GART: variants seen among roughly 807,000 people sequenced by gnomAD.
The protein encoded by GART is trifunctional purine biosynthetic protein adenosine-3.
A neutral mutation model predicts 107.2 loss-of-function variants in GART; 43 were observed. The ratio of observed to expected loss-of-function variants is 0.40; its 90% CI spans 0.31 to 0.52. The LOEUF (loss-of-function observed/expected upper bound fraction) is 0.52, where lower values mean the gene tolerates loss of function less well. Ranked by LOEUF, GART falls within the 20% of genes least tolerant of loss-of-function variation. The probability of loss-of-function intolerance (pLI) is 0.52; values close to 1 mark genes in which losing one functional copy is unlikely to be tolerated. For missense variants in GART, 1,107 were observed against 1,206.5 expected, an observed-to-expected ratio of 0.92 and a Z score of 1.22; for synonymous variants, 434 against 427.0, an observed-to-expected ratio of 1.02 and a Z score of -0.20.
chr21:33,505,276 T>C (rs2084658849), intron 20 of GART, among the ~76,000 whole-genome samples: 2 of 152,240 alleles, frequency 1.3e-5, no homozygotes, highest in African/African-American at 4.8e-5. Flanking sequence ...ATCTTTGCAG[T>C]AATGTGAAAC....
chr21:33,541,171 GTCTC>G (rs1285359291), intron 1 of GART, among the ~76,000 whole-genome samples: 2 of 152,268 alleles, frequency 1.3e-5, no homozygotes, highest in South Asian at 2.1e-4. Flanking sequence ...TGTTTAGACA[GTCTC>G]TCTCTGTCGC....
chr21:33,537,074 C>G (rs1329804882), intron 2 of GART, among the ~76,000 whole-genome samples: 2 of 152,112 alleles, frequency 1.3e-5, no homozygotes, highest in African/African-American at 4.8e-5. Flanking sequence ...CTGAACACAA[C>G]TAGGCTGAGC....
rs760730097 is a variant in GART at position 33,509,820 on chromosome 21, T to G, written c.2415A>C (p.Lys805Asn). Reference protein sequence around the residue: ...GSLTNHFSFEKKKARVAVLIS... With the variant: ...GSLTNHFSFENKKARVAVLIS... Reference sequence around the variant, plus strand: ...TTAAGACAGCCACTCTGGCCTTTTTTTTTTCAAAAGAGAAATGATTTGTCA... The same window carrying G: ...TTAAGACAGCCACTCTGGCCTTTTTGTTTTCAAAAGAGAAATGATTTGTCA... Residue 805 changes from lysine (K) to asparagine (N), a missense_variant, in exon 18 of 22, where the codon AAA becomes AAC. By Grantham distance (94) the Lys-to-Asn change is moderately conservative (BLOSUM62 0). Transcript: ENST00000381815. 1.5e-5 allele frequency: 24 copies of G among 1,613,958 alleles called. No individual in the cohort carries two copies. Among genetic ancestry groups the G allele is most frequent in the Non-Finnish European group, 2.0e-5 (24 of 1,180,018 alleles).
At chr21:33,528,774 G>T in intron 8 of GART, 76 bp downstream of exon 8, 2 of 1,116,444 alleles carry the variant, frequency 1.8e-6, no homozygotes, top group Non-Finnish European at 2.6e-6. Flanking sequence ...AAAAAAAAAG[G>T]GAATGGAAAA....
chr21:33,512,073 C>T (rs1293099288), intron 16 of GART, among the ~76,000 whole-genome samples: 1 of 151,908 alleles, frequency 6.6e-6, no homozygotes, highest in South Asian at 2.1e-4. Context: ...ATCACGAGGT[C>T]AGGAGATCGA....
At chr21:33,535,506 A>C (rs940961530) in intron 2 of GART, among the ~76,000 whole-genome samples, 186 bp from the exon 3 acceptor site, 2 of 152,190 alleles carry the variant, frequency 1.3e-5, no homozygotes, top group African/African-American at 4.8e-5. Context: ...CATTAGGCTA[A>C]CCAACAGAGC....
At position 33,528,163 on chromosome 21, in the gene GART, T is replaced by A. The variant is rs758963398; in HGVS notation, c.1066+4A>T. ...ACTCCAACCTCTTGCTCCCTGACAC[T>A]CACCTGTTATCTCTACACCCTTGGT... On this transcript the variant is annotated splice_donor_region_variant and intron_variant, in intron 10 of 21. Coordinates refer to ENST00000381815, the MANE Select transcript of GART (RefSeq NM_000819.5). The A allele has an allele frequency of 6.2e-7, 1 of 1,612,906 alleles. No individual in the cohort carries two copies. The highest frequency in any genetic ancestry group is 8.5e-7 in the Non-Finnish European group (1 of 1,179,478).
At position 33,517,243 on chromosome 21, in the gene GART, G is replaced by A. The variant is rs1035213443; in HGVS notation, c.1955-102C>T. The A allele has an allele frequency of 5.0e-5, 78 of 1,558,474 alleles. 1 individual carries two copies. The Admixed American group carries it at 7.4e-4, about 15-fold the overall frequency. ...ACACCAGCTCTACAATAATGACCAA[G>A]TAGCAAACCAAGGTAATTCATTCCC... On this transcript the variant is annotated intron_variant, in intron 15 of 21. Transcript: ENST00000381815.
At chr21:33,510,062 A>G (rs996030134) in intron 17 of GART, 142 bp from the exon 18 acceptor site, 1 of 715,230 alleles carries the variant, frequency 1.4e-6, no homozygotes, top group Non-Finnish European at 2.3e-6. Flanking sequence ...TGAACAACAC[A>G]TTTGTATCAC....
intron 18 of GART, 69 bp downstream of exon 18, chr21:33,509,714 T>C: frequency 6.6e-7 from 1 of 1,520,804 alleles, no homozygotes; most frequent in Non-Finnish European, 9.0e-7. Flanking sequence ...CCTTACAATC[T>C]CACAAGAGTG....
chr21:33,529,025 G>T (rs1412663656), intron 7 of GART, 88 bp from the exon 8 acceptor site: 5 of 796,364 alleles, frequency 6.3e-6, no homozygotes, highest in South Asian at 3.2e-5. Context: ...GGGATGATGA[G>T]GATAACTCAT....
chr21:33,525,914 G>C (rs1254552407), intron 10 of GART, among the ~76,000 whole-genome samples: 3 of 146,170 alleles, frequency 2.1e-5, no homozygotes, highest in Non-Finnish European at 4.5e-5. Flanking sequence ...CTGTCGCCCA[G>C]GCTGGTGTGC....
chr21:33,509,752 G>A, intron 18 of GART, 31 bp downstream of exon 18: 21 of 1,610,602 alleles, frequency 1.3e-5, no homozygotes, highest in Non-Finnish European at 1.8e-5. Flanking sequence ...GCAGTCAACA[G>A]CTCTACAGTG....
intron 4 of GART, among the ~76,000 whole-genome samples, chr21:33,532,837 C>G (rs1160207479): frequency 6.6e-6 from 1 of 152,152 alleles, no homozygotes; most frequent in Non-Finnish European, 1.5e-5. Context: ...CAGACCATTT[C>G]TGGGAGTACA....
chr21:33,528,987 T>A (rs1044641840), intron 7 of GART, 50 bp from the exon 8 acceptor site: 3 of 1,259,184 alleles, frequency 2.4e-6, no homozygotes, highest in East Asian at 4.7e-5. Flanking sequence ...TTAAAAAGTC[T>A]AAGTAGTATT....
At chr21:33,522,128 C>A in intron 12 of GART, 60 bp downstream of exon 12, 2 of 1,293,940 alleles carry the variant, frequency 1.5e-6, no homozygotes, top group Non-Finnish European at 2.2e-6. Context: ...AATATAAAAC[C>A]CAAATCCATT....
chr21:33,524,228 C>T (rs2085025186), intron 11 of GART: 1 of 985,494 alleles, frequency 1.0e-6, no homozygotes, highest in Non-Finnish European at 1.2e-6. Flanking sequence ...GTTTCAAATA[C>T]AACACTATGT....
chr21:33,528,223 A>G lies in GART; in HGVS notation c.1010T>C (p.Val337Ala), dbSNP rs771056083. 10 of 1,613,946 alleles carry G rather than the reference A, an allele frequency of 6.2e-6. No homozygotes were observed. Among genetic ancestry groups the G allele is most frequent in the Non-Finnish European group, 8.5e-6 (10 of 1,179,994 alleles). The change falls in exon 10 of 22, where the codon GTT becomes GCT. Residue 337 changes from valine (V) to alanine (A), a missense_variant. By Grantham distance (64) the Val-to-Ala change is moderately conservative (BLOSUM62 0). Coordinates refer to ENST00000381815, the MANE Select transcript of GART (RefSeq NM_000819.5). ...AGGATAACCTTTACTTGCCATGACA[A>G]CAGTTAGGGCGGTGTGGTTTTCTAG... is the stretch of plus-strand genomic sequence containing the variant. ...VWLENHTALT[V>A]VMASKGYPGD...
At chr21:33,516,949 CA>C (rs1216127906) in intron 16 of GART, 39 bp downstream of exon 16, 1 of 1,549,830 alleles carries the variant, frequency 6.5e-7, no homozygotes, top group South Asian at 1.2e-5. Flanking sequence ...TTTTTTTCCT[CA>C]GCAATTTTCT....
Sources: gnomAD v4.1 joint callset for allele counts (sites outside exome capture counted in the v4.1 genomes callset) on GRCh38, gnomAD v4.1.1 for gene constraint, MANE v1.5 for transcripts, NCBI Gene and HGNC (gene_info 2026-07-23, HGNC 2026-07-21) for gene names.